The following PPP4R4 variants were observed in gnomAD, a reference collection of about 807,000 sequenced individuals.
PPP4R4 encodes the protein serine/threonine-protein phosphatase 4 regulatory subunit 4.
Under a neutral mutation model 121.8 loss-of-function variants are expected in PPP4R4, and 70 were observed. The ratio of observed to expected loss-of-function variants is 0.57; its 90% CI spans 0.47 to 0.70. The LOEUF (loss-of-function observed/expected upper bound fraction) is 0.70, where lower values mean the gene tolerates loss of function less well. Ranked by LOEUF, PPP4R4 falls within the 30% of genes least tolerant of loss-of-function variation. PPP4R4 has a pLI of 0.00. For synonymous variants in PPP4R4, 348 were observed against 355.7 expected, an observed-to-expected ratio of 0.98 and a Z score of 0.24; for missense variants, 875 against 1,033.6, an observed-to-expected ratio of 0.85 and a Z score of 2.10.
intron 2 of PPP4R4, among the ~76,000 whole-genome samples, chr14:94,207,777 G>T (rs183540063): frequency 6.6e-6 from 1 of 151,478 alleles, no homozygotes; most frequent in East Asian, 1.9e-4. Flanking sequence ...TTTGAAAACA[G>T]TTTTTTGCTG....
chr14:94,205,377 G>A (rs547036550), intron 2 of PPP4R4, among the ~76,000 whole-genome samples: 1 of 152,092 alleles, frequency 6.6e-6, no homozygotes, highest in South Asian at 2.1e-4. Context: ...TCTGCAGTCT[G>A]TAGAGATACC....
chr14:94,224,336 G>C (rs570223564), intron 3 of PPP4R4, among the ~76,000 whole-genome samples: 7 of 152,316 alleles, frequency 4.6e-5, no homozygotes, highest in Admixed American at 6.5e-5. Flanking sequence ...AATCAGAAGA[G>C]AGTGATGTAG....
intron 18 of PPP4R4, 125 bp from the exon 19 acceptor site, chr14:94,259,170 G>A: frequency 1.4e-6 from 2 of 1,447,432 alleles, no homozygotes; most frequent in Non-Finnish European, 1.8e-6. Flanking sequence ...AATTAGGGGA[G>A]CTACAAGATG....
intron 24 of PPP4R4, among the ~76,000 whole-genome samples, chr14:94,277,022 G>C (rs973087960): frequency 6.6e-6 from 1 of 152,178 alleles, no homozygotes; most frequent in African/African-American, 2.4e-5. Context: ...GAAAGTGCCA[G>C]GTGCAGTGGC....
At chr14:94,192,055 T>C (rs1311738708) in intron 2 of PPP4R4, among the ~76,000 whole-genome samples, 2 of 152,258 alleles carry the variant, frequency 1.3e-5, no homozygotes, top group Admixed American at 6.5e-5. Context: ...AATGTGATTA[T>C]GTATGTAAAG....
At position 94,241,845 on chromosome 14, in the gene PPP4R4, C is replaced by A; in HGVS notation, c.1034C>A (p.Thr345Lys). ...RFLEFYKKLCTLGLQQENGHN... is the reference protein window; with the variant it reads ...RFLEFYKKLCKLGLQQENGHN... ...TTGGAATTTTATAAGAAACTTTGTA[C>A]ATTGGGTTTGCAACAAGAAAATGGA... The change falls in exon 10 of 25, where the codon ACA becomes AAA. Residue 345 changes from threonine (T) to lysine (K), a missense_variant. Coordinates refer to ENST00000304338, the MANE Select transcript of PPP4R4 (RefSeq NM_058237.2). The A allele has an allele frequency of 6.2e-7, 1 of 1,608,496 alleles. No homozygotes were observed. Among genetic ancestry groups the A allele is most frequent in the Non-Finnish European group, 8.5e-7 (1 of 1,177,792 alleles).
chr14:94,203,257 G>C (rs909160885), intron 2 of PPP4R4, among the ~76,000 whole-genome samples: 2 of 152,030 alleles, frequency 1.3e-5, no homozygotes, highest in African/African-American at 4.8e-5. Context: ...GCATAACTTT[G>C]TCATTTCAAG....
intron 20 of PPP4R4, 27 bp downstream of exon 20, chr14:94,264,974 A>C: frequency 6.9e-7 from 1 of 1,450,890 alleles, no homozygotes; most frequent in Non-Finnish European, 9.5e-7. Context: ...TGTCTTCAAC[A>C]CTTAATTACA....
intron 6 of PPP4R4, among the ~76,000 whole-genome samples, chr14:94,234,117 T>C (rs1222347737): frequency 6.6e-6 from 1 of 152,212 alleles, no homozygotes; most frequent in East Asian, 1.9e-4. Context: ...GAATTTGTTA[T>C]TTTGAATAAT....
At chr14:94,177,378 GAAT>G (rs1888737391) in intron 2 of PPP4R4, among the ~76,000 whole-genome samples, 1 of 152,182 alleles carries the variant, frequency 6.6e-6, no homozygotes, top group Non-Finnish European at 1.5e-5. Flanking sequence ...TTTACTTAGA[GAAT>G]AATCCAACTT....
At chr14:94,265,357 T>G (rs1348097126) in intron 20 of PPP4R4, 30 bp from the exon 21 acceptor site, 1 of 1,506,384 alleles carries the variant, frequency 6.6e-7, no homozygotes, top group African/African-American at 1.4e-5. Flanking sequence ...TTAGAGGAAA[T>G]TATACAACTT....
intron 2 of PPP4R4, among the ~76,000 whole-genome samples, chr14:94,205,669 C>T (rs1243121): frequency 0.46 from 68,788 of 151,180 alleles, 18,229 homozygotes; most frequent in Non-Finnish European, 0.61. Flanking sequence ...TACCTGTATC[C>T]CACAAATGTT....
At chr14:94,192,219 A>G (rs1026484170) in intron 2 of PPP4R4, among the ~76,000 whole-genome samples, 2 of 152,180 alleles carry the variant, frequency 1.3e-5, no homozygotes, top group African/African-American at 2.4e-5. Context: ...TTTTAAGGCA[A>G]TGTTTTAAAG....
intron 23 of PPP4R4, among the ~76,000 whole-genome samples, chr14:94,271,996 TCTGATAGGAG>T (rs1374428682): frequency 6.6e-6 from 1 of 152,110 alleles, no homozygotes; most frequent in African/African-American, 2.4e-5. Context: ...ACTACAAAAT[TCTGATAGGAG>T]AAATCAAAGA....
At position 94,208,502 on chromosome 14, in the gene PPP4R4, A is replaced by G. The variant is rs767038663; in HGVS notation, c.230A>G (p.Asn77Ser). The part of the protein sequence containing the change: ...QDVQGTSVIA[N>S]LPFLMRQNPT... ...GTCCAAGGAACAAGTGTGATTGCAA[A>G]TCTCCCATTTTTGATGCGACAGAAT... Residue 77 changes from asparagine (N) to serine (S), a missense_variant, in exon 3 of 25, where the codon AAT becomes AGT. Physicochemically the swap from Asn to Ser is conservative, Grantham distance 46. Coordinates refer to ENST00000304338, the MANE Select transcript of PPP4R4 (RefSeq NM_058237.2). The G allele has an allele frequency of 1.7e-5, 28 of 1,611,902 alleles. No individual in the cohort carries two copies. The highest frequency in any genetic ancestry group is 7.7e-5 in the South Asian group (7 of 90,922).
rs1435735300 is a variant in PPP4R4, at chr14:94,279,126, G to C, written c.*483G>C. Reference sequence around the variant, plus strand: ...TTCTCATGAGTCTCCAAGCCCACTTGAAAAGTCACACTGAAAGGATGCAAA... The same window carrying C: ...TTCTCATGAGTCTCCAAGCCCACTTCAAAAGTCACACTGAAAGGATGCAAA... On this transcript the variant is annotated 3_prime_UTR_variant, in exon 25 of 25. Coordinates refer to ENST00000304338, the MANE Select transcript of PPP4R4 (RefSeq NM_058237.2). 1 of 152,508 alleles carries C rather than the reference G, an allele frequency of 6.6e-6. No homozygotes were observed. The highest frequency in any genetic ancestry group is 1.5e-5 in the Non-Finnish European group (1 of 68,046). 9.4% of individuals were successfully genotyped at this position (152,508 alleles called of 1,614,324 possible). A position where few individuals can be genotyped will look rare whatever the true frequency, so the allele number is the denominator to read the frequency against.
intron 18 of PPP4R4, 147 bp from the exon 19 acceptor site, chr14:94,259,148 A>G: frequency 7.4e-7 from 1 of 1,343,126 alleles, no homozygotes; most frequent in Non-Finnish European, 1.0e-6. Flanking sequence ...GGTCCCTCCC[A>G]CAACATGTGG....
intron 3 of PPP4R4, among the ~76,000 whole-genome samples, chr14:94,226,877 C>A (rs1891735555): frequency 6.6e-6 from 1 of 152,242 alleles, no homozygotes; most frequent in South Asian, 2.1e-4. Context: ...ATTTGTGAAA[C>A]TTAAACACTT....
chr14:94,223,662 C>T (rs948805844), intron 3 of PPP4R4, among the ~76,000 whole-genome samples: 2 of 152,146 alleles, frequency 1.3e-5, no homozygotes, highest in African/African-American at 4.8e-5. Context: ...CTGTTAGTTT[C>T]CATAGGCCTG....
Sources: allele counts gnomAD v4.1 joint callset (sites outside exome capture counted in the v4.1 genomes callset), GRCh38; gene constraint gnomAD v4.1.1; transcripts MANE v1.5; gene names NCBI Gene and HGNC (gene_info 2026-07-23, HGNC 2026-07-21).